MACROH2A2: variants seen among roughly 807,000 people sequenced by gnomAD.
MACROH2A2 encodes the protein macroH2A.2 histone, also known as core histone macro-H2A.2.
A neutral mutation model predicts 37.6 loss-of-function variants in MACROH2A2; 6 were observed. The ratio of observed to expected loss-of-function variants is 0.16; its 90% confidence interval spans 0.09 to 0.32. The LOEUF (loss-of-function observed/expected upper bound fraction) is 0.32, where lower values mean the gene tolerates loss of function less well. Ranked by LOEUF, MACROH2A2 falls within the 10% of genes least tolerant of loss-of-function variation. The pLI is 1.00. For synonymous variants in MACROH2A2, 192 were observed against 202.7 expected, an observed-to-expected ratio of 0.95 and a Z score of 0.45; for missense variants, 290 against 485.9, an observed-to-expected ratio of 0.60 and a Z score of 3.79.
At chr10:70,094,802 A>G (rs940782181) in intron 5 of MACROH2A2, among the ~76,000 whole-genome samples, 3 of 152,200 alleles carry the variant, frequency 2.0e-5, no homozygotes, top group African/African-American at 7.2e-5. Context: ...GCAATTCCCA[A>G]TGGTAGCCCC....
chr10:70,088,486 A>G (rs1374665516), intron 2 of MACROH2A2, among the ~76,000 whole-genome samples: 1 of 152,274 alleles, frequency 6.6e-6, no homozygotes, highest in African/African-American at 2.4e-5. Flanking sequence ...GGGGGAAAGC[A>G]TATAGATAGT....
At chr10:70,089,095 A>C (rs897466046) in intron 2 of MACROH2A2, among the ~76,000 whole-genome samples, 1 of 152,148 alleles carries the variant, frequency 6.6e-6, no homozygotes, top group African/African-American at 2.4e-5. Flanking sequence ...CAGAACGAGC[A>C]AGACTCCGTC....
intron 7 of MACROH2A2, among the ~76,000 whole-genome samples, chr10:70,101,134 T>G (rs932571907): frequency 6.6e-6 from 1 of 152,160 alleles, no homozygotes; most frequent in African/African-American, 2.4e-5. Flanking sequence ...TCCAGGGGGC[T>G]GTCACTAATG....
chr10:70,096,564 G>A (rs930861782), intron 6 of MACROH2A2, among the ~76,000 whole-genome samples: 2 of 152,154 alleles, frequency 1.3e-5, no homozygotes, highest in Non-Finnish European at 2.9e-5. Context: ...AATAGCCAGG[G>A]TGGAGGAGCT....
At chr10:70,078,267 G>A (rs1205500814) in intron 2 of MACROH2A2, among the ~76,000 whole-genome samples, 2 of 152,186 alleles carry the variant, frequency 1.3e-5, no homozygotes, top group Admixed American at 6.5e-5. Context: ...CAATAGAATT[G>A]GGCCATTTAT....
intron 2 of MACROH2A2, among the ~76,000 whole-genome samples, chr10:70,076,168 G>C (rs2072138454): frequency 1.3e-5 from 2 of 152,176 alleles, no homozygotes; most frequent in Admixed American, 1.3e-4. Flanking sequence ...ATAAACTGCA[G>C]GGAGAATGGG....
At chr10:70,074,772 A>G (rs779408976) in intron 1 of MACROH2A2, among the ~76,000 whole-genome samples, 10 of 152,128 alleles carry the variant, frequency 6.6e-5, no homozygotes, top group Non-Finnish European at 1.5e-4. Flanking sequence ...TTCCACTATG[A>G]TTGTGAGGCC....
chr10:70,085,233 A>G (rs943979355), intron 2 of MACROH2A2, among the ~76,000 whole-genome samples: 3 of 152,124 alleles, frequency 2.0e-5, no homozygotes, highest in Non-Finnish European at 4.4e-5. Flanking sequence ...GTTTGGGGAA[A>G]TGATTTTGAT....
chr10:70,092,899 G>A (rs965260314), intron 4 of MACROH2A2, among the ~76,000 whole-genome samples: 14 of 152,130 alleles, frequency 9.2e-5, no homozygotes, highest in African/African-American at 3.4e-4. Flanking sequence ...TGATATACTA[G>A]GTGTTTGGGT....
At position 70,053,890 on chromosome 10, in the gene MACROH2A2, G is replaced by C. The variant is rs2071992980; in HGVS notation, c.-60+890G>C. 6.6e-6 allele frequency among the ~76,000 whole-genome samples: 1 copy of C among 152,120 alleles called. No individual in the cohort carries two copies. The highest frequency in any genetic ancestry group is 1.5e-5 in the Non-Finnish European group (1 of 67,994). On this transcript the variant is annotated intron_variant, in intron 1 of 8. Transcript: ENST00000373255. This position sits in a 1 kb window ranked among gnomAD's most constrained non-coding sequence, Gnocchi z 4.8. Reference sequence around the variant, plus strand: ...TAAACTGGCTGCGGCGCAGGAAAGGGCTCTGCCGGGCGCCGGACGCCGTGC... The same window carrying C: ...TAAACTGGCTGCGGCGCAGGAAAGGCCTCTGCCGGGCGCCGGACGCCGTGC...
intron 2 of MACROH2A2, among the ~76,000 whole-genome samples, chr10:70,079,565 G>GCGCACACACACA (rs1386558755): frequency 7.4e-4 from 94 of 126,256 alleles, no homozygotes; most frequent in East Asian, 3.9e-3. Context: ...GCGCGCGCGC[G>GCGCACACACACA]CACACACACA....
At chr10:70,082,141 C>T (rs890279814) in intron 2 of MACROH2A2, among the ~76,000 whole-genome samples, 3 of 152,198 alleles carry the variant, frequency 2.0e-5, no homozygotes, top group African/African-American at 2.4e-5. Context: ...GGGACTCGGC[C>T]GGGCGCAGTG....
chr10:70,097,692 C>T (rs2072283540), intron 6 of MACROH2A2, among the ~76,000 whole-genome samples: 1 of 152,180 alleles, frequency 6.6e-6, no homozygotes, highest in African/African-American at 2.4e-5. Flanking sequence ...TGACTTGTAA[C>T]AGATAAGGGC....
At chr10:70,099,312 G>A (rs565130777) in intron 6 of MACROH2A2, 11 of 152,316 alleles carry the variant, frequency 7.2e-5, no homozygotes, top group South Asian at 2.1e-4. Flanking sequence ...CTTGAGGCTC[G>A]AGTGTGGAGT....
intron 7 of MACROH2A2, among the ~76,000 whole-genome samples, chr10:70,102,208 G>A (rs945662981): frequency 6.6e-6 from 1 of 152,224 alleles, no homozygotes; most frequent in African/African-American, 2.4e-5. Context: ...GAGACCCCTT[G>A]GGGGTGGGAC....
intron 7 of MACROH2A2, among the ~76,000 whole-genome samples, chr10:70,100,808 G>T (rs1360582033): frequency 6.6e-6 from 1 of 151,960 alleles, no homozygotes; most frequent in Admixed American, 6.6e-5. Flanking sequence ...GTAGAGATGG[G>T]GTTTTGCCAT....
intron 8 of MACROH2A2, among the ~76,000 whole-genome samples, chr10:70,110,741 T>C (rs917747953): frequency 6.7e-6 from 1 of 150,318 alleles, no homozygotes; most frequent in Admixed American, 6.7e-5. Flanking sequence ...AAAAAAAAAA[T>C]TTTTTTATAG....
intron 2 of MACROH2A2, among the ~76,000 whole-genome samples, chr10:70,079,087 AATAAGAT>A (rs1336320814): frequency 2.0e-5 from 3 of 152,196 alleles, no homozygotes; most frequent in Non-Finnish European, 4.4e-5. Context: ...AACGCCTCAC[AATAAGAT>A]CAGGTGCTGT....
rs1302303294 is a variant in MACROH2A2 at position 70,053,320 on chromosome 10, C to T, written c.-60+320C>T. On this transcript the variant is annotated intron_variant, in intron 1 of 8. Transcript: ENST00000373255. The surrounding 1 kb of genome is among the most constrained non-coding windows in gnomAD (Gnocchi z 4.8). ...GCGAGGTTCAGCAGCGGGCCCCAGG[C>T]GAGGCTGGACCCGGAGGAAGCGGAG... 1.3e-5 allele frequency among the ~76,000 whole-genome samples: 2 copies of T among 151,824 alleles called. No homozygotes were observed. The highest frequency in any genetic ancestry group is 2.9e-5 in the Non-Finnish European group (2 of 67,914).
Sources: gnomAD v4.1 joint callset for allele counts (sites outside exome capture counted in the v4.1 genomes callset) on GRCh38, gnomAD v4.1.1 for gene constraint, Gnocchi (gnomAD v3.1) non-coding constraint, MANE v1.5 for transcripts, NCBI Gene and HGNC (gene_info 2026-07-23, HGNC 2026-07-21) for gene names.